TET2: variants seen among roughly 807,000 people sequenced by gnomAD.
The protein encoded by TET2 is methylcytosine dioxygenase TET2.
In TET2, 299 loss-of-function variants were observed where a neutral mutation model predicts 142.9. The ratio of observed to expected loss-of-function variants is 2.09; its 90% CI spans 1.90 to 2.30. TET2 has a LOEUF of 2.30. TET2 is among the 30% of genes most tolerant of loss of function. The pLI is 0.00. For synonymous variants in TET2, 819 were observed against 849.0 expected, an observed-to-expected ratio of 0.96 and a Z score of 0.61; for missense variants, 2,418 against 2,378.0, an observed-to-expected ratio of 1.02 and a Z score of -0.35.
At chr4:105,174,915 C>G (rs1054784172) in intron 1 of TET2, among the ~76,000 whole-genome samples, 16 of 152,174 alleles carry the variant, frequency 1.1e-4, no homozygotes, top group African/African-American at 3.1e-4. Context: ...TACCTAAGTT[C>G]AGCCCCCTTT....
At chr4:105,237,781 T>C in intron 3 of TET2, 1 of 1,138,788 alleles carries the variant, frequency 8.8e-7, no homozygotes, top group Non-Finnish European at 1.1e-6. Flanking sequence ...GTAAAATATA[T>C]TAGTTTCACA....
intron 1 of TET2, among the ~76,000 whole-genome samples, chr4:105,169,270 G>A (rs561705347): frequency 4.0e-5 from 6 of 151,890 alleles, no homozygotes; most frequent in African/African-American, 7.2e-5. Flanking sequence ...TTTTATTGCC[G>A]TTCTTGCAGG....
intron 2 of TET2, among the ~76,000 whole-genome samples, chr4:105,198,707 T>G (rs1434131471): frequency 1.3e-5 from 2 of 152,176 alleles, no homozygotes; most frequent in Non-Finnish European, 1.5e-5. Flanking sequence ...TCCCTTTCCA[T>G]ACCATGCAGG....
At chr4:105,195,176 T>C (rs537967122) in intron 2 of TET2, among the ~76,000 whole-genome samples, 26 of 152,318 alleles carry the variant, frequency 1.7e-4, no homozygotes, top group African/African-American at 6.0e-4. Context: ...TGTTTCAGTT[T>C]CCTCATCAAA....
intron 4 of TET2, chr4:105,241,808 A>G: frequency 2.4e-6 from 3 of 1,249,034 alleles, no homozygotes; most frequent in Non-Finnish European, 3.0e-6. Flanking sequence ...GTGTGGTATA[A>G]GAAAAGAACC....
chr4:105,272,898 G>C lies in TET2; in HGVS notation c.4517G>C (p.Ser1506Thr). Reference protein sequence around the residue: ...PSRTKQTENASQAKQLAELLR... With the variant: ...PSRTKQTENATQAKQLAELLR... Reference sequence around the variant, plus strand: ...CGTACAAAACAAACTGAAAACGCAAGCCAGGCTAAACAGTTGGCAGGTAAA... The same window carrying C: ...CGTACAAAACAAACTGAAAACGCAACCCAGGCTAAACAGTTGGCAGGTAAA... Residue 1506 changes from serine (S) to threonine (T), a missense_variant, in exon 10 of 11, where the codon AGC becomes ACC. Coordinates refer to ENST00000380013, the MANE Select transcript of TET2 (RefSeq NM_001127208.3). 6.5e-7 allele frequency: 1 copy of C among 1,541,794 alleles called. No individual in the cohort carries two copies. The highest frequency in any genetic ancestry group is 8.7e-7 in the Non-Finnish European group (1 of 1,143,520).
chr4:105,171,423 T>G (rs1724457380), intron 1 of TET2: 1 of 152,218 alleles, frequency 6.6e-6, no homozygotes, highest in African/African-American at 2.4e-5. Context: ...AAGCATTGAT[T>G]AATAAGTTTT....
chr4:105,199,471 GT>G (rs1380234581), intron 2 of TET2, among the ~76,000 whole-genome samples: 1 of 152,010 alleles, frequency 6.6e-6, no homozygotes, highest in Admixed American at 6.6e-5. Flanking sequence ...TTTCCATCTT[GT>G]TTCTTCAAGT....
intron 2 of TET2, among the ~76,000 whole-genome samples, chr4:105,227,276 G>C (rs773936644): frequency 1.5e-4 from 23 of 152,160 alleles, no homozygotes; most frequent in Non-Finnish European, 2.2e-4. Flanking sequence ...AGGTTCTTCT[G>C]TCTCTGTTCT....
In TET2 at chr4:105,279,129, A is replaced by G. The variant is rs1313166981; in HGVS notation, c.*2610A>G. ...AATGTTTGCTTTGCTTACAAACCAC[A>G]TGATTTTAATGTTTTTTGTATACCA... On this transcript the variant is annotated 3_prime_UTR_variant, in exon 11 of 11. Transcript: ENST00000380013. 7 of 232,522 alleles carry G rather than the reference A, an allele frequency of 3.0e-5. No homozygotes were observed. The highest frequency in any genetic ancestry group is 5.1e-5 in the Non-Finnish European group (6 of 117,694). 14.4% of individuals were successfully genotyped at this position (232,522 alleles called of 1,614,324 possible). A position where few individuals can be genotyped will look rare whatever the true frequency, so the allele number is the denominator to read the frequency against.
At chr4:105,166,613 A>G (rs530485208) in intron 1 of TET2, among the ~76,000 whole-genome samples, 24 of 151,646 alleles carry the variant, frequency 1.6e-4, no homozygotes, top group Non-Finnish European at 2.7e-4. Context: ...TCTTACAGAA[A>G]AAAAAAGAAA....
At position 105,278,973 on chromosome 4, in the gene TET2, A is replaced by G. The variant is rs1050176188; in HGVS notation, c.*2454A>G. The G allele has an allele frequency of 2.6e-5, 6 of 232,814 alleles. No individual in the cohort carries two copies. The highest frequency in any genetic ancestry group is 5.6e-5 in the Admixed American group (1 of 17,772). The allele number at this position is 232,814 out of a possible 1,614,324, so 14.4% of individuals were successfully genotyped here. On this transcript the variant is annotated 3_prime_UTR_variant, in exon 11 of 11. Coordinates refer to ENST00000380013, the MANE Select transcript of TET2 (RefSeq NM_001127208.3). ...TGGCCTAAATACATTTTTGCTTACT[A>G]GTATTTAAAATAAATTCTTAATCAG...
intron 8 of TET2, among the ~76,000 whole-genome samples, chr4:105,265,496 A>C (rs778847946): frequency 6.6e-6 from 1 of 152,214 alleles, no homozygotes; most frequent in Non-Finnish European, 1.5e-5. Flanking sequence ...GTTTTTGTTC[A>C]AGAAACAGAA....
At chr4:105,160,929 C>T (rs543054143) in intron 1 of TET2, among the ~76,000 whole-genome samples, 49 of 152,130 alleles carry the variant, frequency 3.2e-4, no homozygotes, top group Non-Finnish European at 6.6e-4. Context: ...GCACTCGCCA[C>T]CACGCCCGGC....
chr4:105,236,011 A>C lies in TET2; in HGVS notation c.2069A>C (p.Gln690Pro). ...CATTTTCAACAAAGAGCAGATTCCC[A>C]AACTGAAAAACTTATGTCCCCAGTG... ...RFHFQQRADS[Q>P]TEKLMSPVLK... is the part of the protein sequence containing the mutation. Residue 690 changes from glutamine (Q) to proline (P), a missense_variant, in exon 3 of 11, where the codon CAA becomes CCA. Physicochemically the swap from Gln to Pro is moderately conservative, Grantham distance 76. Transcript: ENST00000380013. 5 of 1,614,204 alleles carry C rather than the reference A, an allele frequency of 3.1e-6. No homozygotes were observed. The highest frequency in any genetic ancestry group is 4.2e-6 in the Non-Finnish European group (5 of 1,180,020).
chr4:105,155,753 A>G (rs1409361974), intron 1 of TET2, among the ~76,000 whole-genome samples: 6 of 152,226 alleles, frequency 3.9e-5, no homozygotes, highest in Non-Finnish European at 7.3e-5. Flanking sequence ...TCAGAGACTT[A>G]TTTAAGGTAC....
intron 1 of TET2, among the ~76,000 whole-genome samples, chr4:105,152,276 G>A (rs1333035598): frequency 6.6e-6 from 1 of 151,946 alleles, no homozygotes; most frequent in African/African-American, 2.4e-5. Context: ...GAGAGACTCT[G>A]CCTCAAAAAA....
chr4:105,184,568 T>A (rs1309217753), intron 1 of TET2, among the ~76,000 whole-genome samples: 1 of 152,200 alleles, frequency 6.6e-6, no homozygotes, highest in Non-Finnish European at 1.5e-5. Context: ...TGAATACATT[T>A]AAGGTCTTTA....
intron 2 of TET2, among the ~76,000 whole-genome samples, chr4:105,222,929 C>T (rs1727935379): frequency 6.6e-6 from 1 of 152,228 alleles, no homozygotes; most frequent in African/African-American, 2.4e-5. Context: ...CAGCTTTCCA[C>T]ATATGGCTAG....
Sources: gnomAD v4.1 joint callset for allele counts (sites outside exome capture counted in the v4.1 genomes callset) on GRCh38, gnomAD v4.1.1 for gene constraint, MANE v1.5 for transcripts, NCBI Gene and HGNC (gene_info 2026-07-23, HGNC 2026-07-21) for gene names.